The following ZNF544 variants were observed in gnomAD, a reference collection of about 807,000 sequenced individuals.
ZNF544 encodes zinc finger protein AF020591.
A neutral mutation model predicts 13.5 loss-of-function variants in ZNF544; 10 were observed. The ratio of observed to expected loss-of-function variants is 0.74; its 90% CI spans 0.46 to 1.25. The LOEUF is 1.25. Ranked by LOEUF, ZNF544 falls within the 50% of genes most tolerant of loss-of-function variation. The probability of loss-of-function intolerance (pLI) is 0.00; values close to 1 mark genes in which losing one functional copy is unlikely to be tolerated. For missense variants in ZNF544, 896 were observed against 845.6 expected (o/e 1.06, Z -0.74); for synonymous variants, 323 against 300.5 (o/e 1.07, Z -0.77).
intron 3 of ZNF544, among the ~76,000 whole-genome samples, chr19:58,237,392 G>T (rs1008199035): frequency 6.6e-6 from 1 of 152,140 alleles, no homozygotes; most frequent in African/African-American, 2.4e-5. Context: ...ACAATTTTGT[G>T]GAAATTGGTT....
At position 58,253,008 on chromosome 19, in the gene ZNF544, C is replaced by T. The variant is rs961654939; in HGVS notation, c.244+6214C>T. On this transcript the variant is annotated intron_variant, in intron 6 of 6. Coordinates refer to ENST00000687789, the MANE Select transcript of ZNF544 (RefSeq NM_014480.4). ...CTCACTTTTATATTTTTAGTAGAGA[C>T]AGGGTTTCACCATGTTGGCCAGGAT... is the stretch of plus-strand genomic sequence containing the variant. Among the ~76,000 whole-genome samples, 5 of 152,072 alleles carry T rather than the reference C, an allele frequency of 3.3e-5. No homozygotes were observed. The South Asian group carries it at 6.2e-4, about 19-fold the overall frequency.
Position 58,246,438 on chromosome 19 carries a change from G to A in ZNF544, c.160+11G>A. The A allele has an allele frequency of 6.2e-7, 1 of 1,613,912 alleles. No homozygotes were observed. The highest frequency in any genetic ancestry group is 8.5e-7 in the Non-Finnish European group (1 of 1,179,898). ...ATATTGTCTCCCTGGGTAAGTGGCTGTGCTCATGGAAGGAGGTTCTACCCC... is the reference window on the plus strand; with the variant it reads ...ATATTGTCTCCCTGGGTAAGTGGCTATGCTCATGGAAGGAGGTTCTACCCC... On this transcript the variant is annotated intron_variant, in intron 5 of 6. Coordinates refer to ENST00000687789, the MANE Select transcript of ZNF544 (RefSeq NM_014480.4).
intron 6 of ZNF544, among the ~76,000 whole-genome samples, chr19:58,249,193 A>C (rs941357813): frequency 7.2e-5 from 11 of 152,202 alleles, no homozygotes; most frequent in African/African-American, 2.7e-4. Context: ...TCTTGCCTCC[A>C]TACCCTGTTC....
At chr19:58,249,222 C>T (rs868526390) in intron 6 of ZNF544, among the ~76,000 whole-genome samples, 11 of 152,150 alleles carry the variant, frequency 7.2e-5, no homozygotes, top group Non-Finnish European at 1.3e-4. Context: ...CATTTCCCCC[C>T]GAAAGACATG....
At chr19:58,269,057 T>C (rs1055080622), downstream of ZNF544, among the ~76,000 whole-genome samples, 1 of 152,222 alleles carries the variant, frequency 6.6e-6, no homozygotes, top group African/African-American at 2.4e-5. Flanking sequence ...TCCCCAGGGC[T>C]GAAAGGAAAT....
At position 58,262,803 on chromosome 19, in the gene ZNF544, A is replaced by G. The variant is rs748755831; in HGVS notation, c.*49A>G. 6.5e-7 allele frequency: 1 copy of G among 1,546,708 alleles called. No individual in the cohort carries two copies. The highest frequency in any genetic ancestry group is 8.7e-7 in the Non-Finnish European group (1 of 1,146,642). ...TTTCATCCAGAGGTCTCCCCTCATC[A>G]TGCACCAGAGGACGCATGTCGGTGG... On this transcript the variant is annotated 3_prime_UTR_variant, in exon 7 of 7. Transcript: ENST00000687789.
intron 4 of ZNF544, among the ~76,000 whole-genome samples, chr19:58,244,884 C>T (rs1270874781): frequency 2.0e-4 from 30 of 151,618 alleles, no homozygotes; most frequent in Admixed American, 2.0e-3. Context: ...GCCTCTTCCT[C>T]TTCTTATAAG....
At position 58,261,388 on chromosome 19, in the gene ZNF544, G is replaced by T. The variant is rs1237312239; in HGVS notation, c.782G>T (p.Gly261Val). 6.2e-7 allele frequency: 1 copy of T among 1,614,134 alleles called. No homozygotes were observed. Among genetic ancestry groups the T allele is most frequent in the Non-Finnish European group, 8.5e-7 (1 of 1,180,034 alleles). ...TATGGTTCCTCCCTTTGTTTTCATGGTAGAACTTTTTCAGTGAAGAAAAGT... is the reference window on the plus strand; with the variant it reads ...TATGGTTCCTCCCTTTGTTTTCATGTTAGAACTTTTTCAGTGAAGAAAAGT... ...LNYGSSLCFH[G>V]RTFSVKKSDD... Residue 261 changes from glycine to valine, a missense_variant, in exon 7 of 7, where the codon GGT becomes GTT. Coordinates refer to ENST00000687789, the MANE Select transcript of ZNF544 (RefSeq NM_014480.4).
downstream of ZNF544, among the ~76,000 whole-genome samples, chr19:58,266,387 T>A (rs1038182939): frequency 6.6e-6 from 1 of 151,178 alleles, no homozygotes; most frequent in Non-Finnish European, 1.5e-5. Context: ...TGGTGGCAGG[T>A]GCCTGTAGTC....
intron 5 of ZNF544, among the ~76,000 whole-genome samples, chr19:58,274,155 A>G (rs1363617300): frequency 1.3e-5 from 2 of 151,942 alleles, no homozygotes; most frequent in South Asian, 2.1e-4. Context: ...ATTAAAACGG[A>G]AAAAAATTAA....
intron 6 of ZNF544, among the ~76,000 whole-genome samples, chr19:58,252,492 C>T (rs561564553): frequency 6.6e-6 from 1 of 152,280 alleles, no homozygotes; most frequent in African/African-American, 2.4e-5. Flanking sequence ...ACTTTCTTCA[C>T]CTCTCTCTCC....
intron 3 of ZNF544, among the ~76,000 whole-genome samples, chr19:58,243,262 C>T (rs901409640): frequency 3.3e-5 from 5 of 151,904 alleles, no homozygotes; most frequent in African/African-American, 9.7e-5. Flanking sequence ...TCAGTGGTCT[C>T]GAGTAACCTG....
chr19:58,261,280 G>T lies in ZNF544; in HGVS notation c.674G>T (p.Ser225Ile). Residue 225 changes from serine to isoleucine, a missense_variant, in exon 7 of 7, where the codon AGT (serine) becomes ATT (isoleucine). Transcript: ENST00000687789. ...CAGTGTGCTAGAGCTTTCTGTCAGA[G>T]TATTTACTTGAGTAAACTTGGAAAC... ...SHQCARAFCQ[S>I]IYLSKLGNVE... 6.2e-7 allele frequency: 1 copy of T among 1,614,190 alleles called. No individual in the cohort carries two copies. Among genetic ancestry groups the T allele is most frequent in the Non-Finnish European group, 8.5e-7 (1 of 1,180,042 alleles).
intron 5 of ZNF544, among the ~76,000 whole-genome samples, chr19:58,270,638 G>A (rs1039509811): frequency 6.6e-6 from 1 of 152,116 alleles, no homozygotes; most frequent in African/African-American, 2.4e-5. Flanking sequence ...ACACATGGCT[G>A]TGACCTGACA....
At chr19:58,257,473 C>T (rs1036172544) in intron 6 of ZNF544, 1 of 152,156 alleles carries the variant, frequency 6.6e-6, no homozygotes, top group African/African-American at 2.4e-5. Flanking sequence ...GGTGACCAAG[C>T]AGAGGCTGAA....
intron 3 of ZNF544, among the ~76,000 whole-genome samples, chr19:58,241,427 T>C (rs1183932351): frequency 6.6e-6 from 1 of 151,520 alleles, no homozygotes; most frequent in Non-Finnish European, 1.5e-5. Context: ...TTAAACCTTT[T>C]TTGGTAGGGT....
chr19:58,233,449 G>C (rs1332513914), intron 3 of ZNF544, among the ~76,000 whole-genome samples: 1 of 152,100 alleles, frequency 6.6e-6, no homozygotes, highest in Non-Finnish European at 1.5e-5. Context: ...AGCAAAAATT[G>C]TGTACTTAAA....
At chr19:58,246,197 G>A (rs2045167692) in intron 4 of ZNF544, 104 bp from the exon 5 acceptor site, 2 of 1,492,034 alleles carry the variant, frequency 1.3e-6, no homozygotes, top group Non-Finnish European at 1.9e-6. Flanking sequence ...AGGTTCCAAT[G>A]TATGAATTTT....
intron 6 of ZNF544, among the ~76,000 whole-genome samples, chr19:58,250,049 C>T (rs1484226209): frequency 1.3e-5 from 2 of 152,198 alleles, no homozygotes; most frequent in Non-Finnish European, 2.9e-5. Flanking sequence ...ATATTAATTT[C>T]ACAGGCTAAA....
Sources: allele counts gnomAD v4.1 joint callset (sites outside exome capture counted in the v4.1 genomes callset), GRCh38; gene constraint gnomAD v4.1.1; transcripts MANE v1.5; gene names NCBI Gene and HGNC (gene_info 2026-07-23, HGNC 2026-07-21).